NDC1: variants seen among roughly 807,000 people sequenced by gnomAD.
NDC1 encodes nucleoporin NDC1.
A neutral mutation model predicts 89.8 loss-of-function variants in NDC1; 24 were observed. That is an observed-to-expected ratio of 0.27 (90% CI 0.19 to 0.38). The LOEUF is 0.38. NDC1 is among the 10% of genes least tolerant of loss of function. NDC1 has a pLI of 1.00. For missense variants in NDC1, 728 were observed against 797.6 expected (o/e 0.91, Z 1.05); for synonymous variants, 296 against 284.8 (o/e 1.04, Z -0.39).
At chr1:53,831,627 C>T (rs1649070587) in intron 3 of NDC1, among the ~76,000 whole-genome samples, 2 of 151,542 alleles carry the variant, frequency 1.3e-5, no homozygotes, top group South Asian at 2.1e-4. Flanking sequence ...AAGCTGAGAT[C>T]GCACCACTGC....
intron 9 of NDC1, among the ~76,000 whole-genome samples, 168 bp downstream of exon 9, chr1:53,806,257 A>T (rs926221997): frequency 2.0e-5 from 3 of 152,236 alleles, no homozygotes; most frequent in African/African-American, 4.8e-5. Context: ...TCACTTGGAA[A>T]GAAAATTGAA....
At chr1:53,830,859 T>C (rs1649039210) in intron 3 of NDC1, among the ~76,000 whole-genome samples, 1 of 145,270 alleles carries the variant, frequency 6.9e-6, no homozygotes. Flanking sequence ...TGAAACTCCG[T>C]CTCAAAAAAA....
chr1:53,781,931 A>G (rs980766523), intron 16 of NDC1, among the ~76,000 whole-genome samples: 20 of 152,172 alleles, frequency 1.3e-4, no homozygotes, highest in African/African-American at 4.8e-4. Context: ...GCCATCCAAC[A>G]AGCATTTAAT....
chr1:53,786,366 G>A (rs556769680), intron 16 of NDC1, among the ~76,000 whole-genome samples: 2 of 152,350 alleles, frequency 1.3e-5, no homozygotes, highest in African/African-American at 4.8e-5. Flanking sequence ...CAGAAAGCAT[G>A]TGTTTTATTT....
intron 6 of NDC1, among the ~76,000 whole-genome samples, chr1:53,818,699 G>T: frequency 6.6e-6 from 1 of 152,126 alleles, no homozygotes; most frequent in Non-Finnish European, 1.5e-5. Context: ...TTCACTTAGC[G>T]TAATGTCCTC....
intron 17 of NDC1, among the ~76,000 whole-genome samples, chr1:53,768,583 A>G (rs1373295637): frequency 6.6e-6 from 1 of 152,184 alleles, no homozygotes; most frequent in African/African-American, 2.4e-5. Flanking sequence ...TCACGAAAAT[A>G]TATTACACCT....
chr1:53,774,943 C>T (rs756187515), intron 16 of NDC1, among the ~76,000 whole-genome samples: 4 of 152,042 alleles, frequency 2.6e-5, no homozygotes, highest in Non-Finnish European at 4.4e-5. Flanking sequence ...AATATAAACA[C>T]GGCAAATCCA....
chr1:53,775,866 C>T (rs1401623815), intron 16 of NDC1, among the ~76,000 whole-genome samples: 1 of 151,882 alleles, frequency 6.6e-6, no homozygotes, highest in East Asian at 1.9e-4. Context: ...TTTCCTTGCT[C>T]TCCTTAAAAA....
chr1:53,835,509 A>T lies in NDC1; in HGVS notation c.169T>A (p.Trp57Arg), dbSNP rs1557593323. The change falls in exon 2 of 18, where the codon TGG becomes AGG. Residue 57 changes from tryptophan (W) to arginine (R), a missense_variant. Physicochemically the swap from Trp to Arg is moderately radical, Grantham distance 101 (BLOSUM62 -3). Coordinates refer to ENST00000371429, the MANE Select transcript of NDC1 (RefSeq NM_018087.5). ...GTTGAGTATCACCTACCAGACAGCC[A>T]CTGTATAGGATGAAACAAATCAATC... ...SRIDLFHPIQ[W>R]LSDSFSDLYS... The T allele has an allele frequency of 6.2e-7, 1 of 1,610,100 alleles. No homozygotes were observed. Among genetic ancestry groups the T allele is most frequent in the Non-Finnish European group, 8.5e-7 (1 of 1,178,552 alleles).
At position 53,767,166 on chromosome 1, in the gene NDC1, ACT is replaced by A. The variant is rs1198805305; in HGVS notation, c.*802_*803del. The A allele has an allele frequency of 6.6e-6, 1 of 151,958 alleles. No individual in the cohort carries two copies. Among genetic ancestry groups the A allele is most frequent in the Admixed American group, 6.6e-5 (1 of 15,232 alleles). The allele number at this position is 151,958 out of a possible 1,614,324, so 9.4% of individuals were successfully genotyped here. Reference sequence around the variant, plus strand: ...CAAACCTTTTTCTCTTGCTTGAAAAACTCTGCAATCACTTAATGTTTTGCTCC... The same window carrying A: ...CAAACCTTTTTCTCTTGCTTGAAAAACTGCAATCACTTAATGTTTTGCTCC... On this transcript the variant is annotated 3_prime_UTR_variant, in exon 18 of 18. Coordinates refer to ENST00000371429, the MANE Select transcript of NDC1 (RefSeq NM_018087.5).
intron 4 of NDC1, among the ~76,000 whole-genome samples, chr1:53,826,516 T>C (rs1033616150): frequency 6.6e-6 from 1 of 152,188 alleles, no homozygotes; most frequent in Non-Finnish European, 1.5e-5. Flanking sequence ...CCTGAAGGAC[T>C]CCTGCTGAAG....
intron 3 of NDC1, 69 bp downstream of exon 3, chr1:53,832,421 A>C: frequency 1.3e-6 from 1 of 788,610 alleles, no homozygotes; most frequent in Non-Finnish European, 2.1e-6. Flanking sequence ...CACATATAAA[A>C]TGTACTAAGT....
chr1:53,778,188 G>A (rs1647177231), intron 16 of NDC1, among the ~76,000 whole-genome samples: 1 of 151,102 alleles, frequency 6.6e-6, no homozygotes, highest in Admixed American at 6.6e-5. Context: ...AAGCATTAAT[G>A]TATCCGATTA....
chr1:53,808,919 T>C (rs1267973316), intron 7 of NDC1, among the ~76,000 whole-genome samples: 2 of 152,338 alleles, frequency 1.3e-5, no homozygotes, highest in East Asian at 1.9e-4. Flanking sequence ...GTGAATTCCA[T>C]ATATGAAACA....
At chr1:53,831,174 G>A (rs778219013) in intron 3 of NDC1, among the ~76,000 whole-genome samples, 4 of 151,752 alleles carry the variant, frequency 2.6e-5, no homozygotes, top group African/African-American at 7.3e-5. Context: ...GCAGTGAGCC[G>A]AAATCGCGCC....
chr1:53,811,718 C>CCCCA lies in NDC1; in HGVS notation c.704-1976_704-1973dup, dbSNP rs200760852. On this transcript the variant is annotated intron_variant, in intron 6 of 17. Transcript: ENST00000371429. ...ACATATAATCTTGGGAGTTCTAGGG[C>CCCCA]CCCACCCACTGCCAGTCCCTCTCCA... 9.9e-5 allele frequency among the ~76,000 whole-genome samples: 15 copies of CCCCA among 151,516 alleles called. No homozygotes were observed. The East Asian group carries it at 2.7e-3, about 27-fold the overall frequency.
chr1:53,783,928 C>T (rs1647245899), intron 16 of NDC1, among the ~76,000 whole-genome samples: 1 of 152,146 alleles, frequency 6.6e-6, no homozygotes, highest in Non-Finnish European at 1.5e-5. Context: ...AGGGCTTGAC[C>T]TTTTGACAAA....
In NDC1 at chr1:53,818,956, A is replaced by C. The variant is rs1648567640; in HGVS notation, c.703+15T>G. On this transcript the variant is annotated intron_variant, in intron 6 of 17. Transcript: ENST00000371429. Reference sequence around the variant, plus strand: ...GAGATAATATATCACTGTATCAAAAAGCAGAAATTCTTACCAAGAAAATAA... The same window carrying C: ...GAGATAATATATCACTGTATCAAAACGCAGAAATTCTTACCAAGAAAATAA... 8.4e-7 allele frequency: 1 copy of C among 1,196,256 alleles called. No individual in the cohort carries two copies. The highest frequency in any genetic ancestry group is 1.2e-6 in the Non-Finnish European group (1 of 828,044). The allele number at this position is 1,196,256 out of a possible 1,614,324, so 74.1% of individuals were successfully genotyped here.
Position 53,803,805 on chromosome 1 carries a change from T to C in NDC1, c.1066+123A>G, listed in dbSNP as rs573757990. 29 of 701,604 alleles carry C rather than the reference T, an allele frequency of 4.1e-5. No individual in the cohort carries two copies. The South Asian group carries it at 4.6e-4, about 11-fold the overall frequency. The allele number at this position is 701,604 out of a possible 1,614,324, so 43.5% of individuals were successfully genotyped here. A position where few individuals can be genotyped will look rare whatever the true frequency, so the allele number is the denominator to read the frequency against. ...CCAGGATGGTCTTGATCTCCTGACC[T>C]CATGATCCGCCTGCCTCGGCCTCCC... On this transcript the variant is annotated intron_variant, in intron 10 of 17. Coordinates refer to ENST00000371429, the MANE Select transcript of NDC1 (RefSeq NM_018087.5).
Sources: allele counts gnomAD v4.1 joint callset (sites outside exome capture counted in the v4.1 genomes callset), GRCh38; gene constraint gnomAD v4.1.1; transcripts MANE v1.5; gene names NCBI Gene and HGNC (gene_info 2026-07-23, HGNC 2026-07-21).